ROS1: variants seen among roughly 807,000 people sequenced by gnomAD.
ROS1 encodes the protein ROS proto-oncogene 1, receptor tyrosine kinase.
In ROS1, 263 loss-of-function variants were observed where a neutral mutation model predicts 273.5. That is an observed-to-expected ratio of 0.96 (90% CI 0.87 to 1.06). The LOEUF is 1.06. Among genes scored for constraint, ROS1 ranks in the 50% least tolerant of loss-of-function variants. ROS1 has a pLI of 0.00. For missense variants in ROS1, 2,833 were observed against 2,751.1 expected (o/e 1.03, Z -0.67); for synonymous variants, 1,008 against 954.1 (o/e 1.06, Z -1.04).
At chr6:117,370,048 T>C (rs1780642052) in intron 18 of ROS1, among the ~76,000 whole-genome samples, 1 of 152,184 alleles carries the variant, frequency 6.6e-6, no homozygotes, top group African/African-American at 2.4e-5. Context: ...TATGAATGCA[T>C]ATGGATGTAT....
chr6:117,318,319 G>A (rs992863461), intron 37 of ROS1, 67 bp from the exon 38 acceptor site: 2 of 1,166,024 alleles, frequency 1.7e-6, no homozygotes, highest in Non-Finnish European at 2.6e-6. Context: ...GTGGGTTAAT[G>A]GAGATTGTTC....
rs747637576 is a variant in ROS1, at chr6:117,416,319, T to G, written c.169-2A>C. On this transcript the variant is annotated splice_acceptor_variant, in intron 2 of 43. Coordinates refer to ENST00000368507, the MANE Select transcript of ROS1 (RefSeq NM_001378902.1). LOFTEE classifies it high-confidence loss of function. Reference sequence around the variant, plus strand: ...CCAAAAGTGACATCCTTGGATACACTGCAAGAGACAATAACAGACAATGGT... The same window carrying G: ...CCAAAAGTGACATCCTTGGATACACGGCAAGAGACAATAACAGACAATGGT... 1 of 1,594,852 alleles carries G rather than the reference T, an allele frequency of 6.3e-7. No individual in the cohort carries two copies. The highest frequency in any genetic ancestry group is 8.6e-7 in the Non-Finnish European group (1 of 1,162,602).
In ROS1 at chr6:117,397,117, C is replaced by A. The variant is rs1773553595; in HGVS notation, c.605-1G>T. On this transcript the variant is annotated splice_acceptor_variant, in intron 7 of 43. Coordinates refer to ENST00000368507, the MANE Select transcript of ROS1 (RefSeq NM_001378902.1). LOFTEE classifies it high-confidence loss of function. ...CTAATCAAAGGTGCAGTTTCAGGAA[C>A]TGGAAGAGATAATGGTGACATAATG... 2 of 1,601,426 alleles carry A rather than the reference C, an allele frequency of 1.2e-6. No homozygotes were observed. Among genetic ancestry groups the A allele is most frequent in the Non-Finnish European group, 1.7e-6 (2 of 1,169,408 alleles).
intron 18 of ROS1, among the ~76,000 whole-genome samples, chr6:117,375,749 T>C (rs1449406584): frequency 6.6e-6 from 1 of 152,042 alleles, no homozygotes; most frequent in African/African-American, 2.4e-5. Flanking sequence ...CATAGATGAA[T>C]AGGAGTATTT....
chr6:117,325,878 G>C (rs1007329511), intron 34 of ROS1, among the ~76,000 whole-genome samples: 9 of 151,960 alleles, frequency 5.9e-5, no homozygotes, highest in African/African-American at 2.2e-4. Context: ...TGTAGGAGTG[G>C]TCATAAGGCT....
intron 32 of ROS1, among the ~76,000 whole-genome samples, chr6:117,334,878 C>CGT (rs1777352320): frequency 1.3e-5 from 2 of 152,104 alleles, no homozygotes; most frequent in Admixed American, 1.3e-4. Flanking sequence ...AAACCAAAAC[C>CGT]ATAAAAACCC....
chr6:117,290,724 A>T (rs1690909101), intron 43 of ROS1, among the ~76,000 whole-genome samples: 2 of 152,158 alleles, frequency 1.3e-5, no homozygotes, highest in Non-Finnish European at 2.9e-5. Flanking sequence ...AGATGCCCAG[A>T]TATGTTACTA....
intron 42 of ROS1, among the ~76,000 whole-genome samples, chr6:117,306,692 C>G (rs1239054793): frequency 6.6e-6 from 1 of 152,114 alleles, no homozygotes; most frequent in Non-Finnish European, 1.5e-5. Context: ...CTTTCAAACC[C>G]CTAAGCTGGG....
At chr6:117,328,269 C>G (rs978447995) in intron 33 of ROS1, among the ~76,000 whole-genome samples, 2 of 152,006 alleles carry the variant, frequency 1.3e-5, no homozygotes, top group African/African-American at 4.8e-5. Context: ...CAGTGGAGAC[C>G]TGGAGCAAGG....
chr6:117,418,432 A>G (rs1229722921), intron 2 of ROS1, 30 bp downstream of exon 2: 1 of 1,505,080 alleles, frequency 6.6e-7, no homozygotes, highest in African/African-American at 1.4e-5. Flanking sequence ...AAACATTGTA[A>G]TATTCTTGAC....
At chr6:117,385,897 A>G (rs1235997531) in intron 15 of ROS1, 36 bp from the exon 16 acceptor site, 1 of 1,563,588 alleles carries the variant, frequency 6.4e-7, no homozygotes, top group African/African-American at 1.4e-5. Flanking sequence ...GTTATTTTTC[A>G]TACATACCAA....
rs759315631 is a variant in ROS1 at position 117,362,563 on chromosome 6, G to T, written c.3366+40C>A. 4 of 1,574,328 alleles carry T rather than the reference G, an allele frequency of 2.5e-6. No individual in the cohort carries two copies. The South Asian group carries it at 3.5e-5, about 14-fold the overall frequency. On this transcript the variant is annotated intron_variant, in intron 22 of 43. Coordinates refer to ENST00000368507, the MANE Select transcript of ROS1 (RefSeq NM_001378902.1). ...AGTCTTTCCCTCTCCCCACAATGCC[G>T]CTATTAAGACTCTCATATCTTCTGT... is the stretch of plus-strand genomic sequence containing the variant.
chr6:117,321,170 T>TC, intron 36 of ROS1, 89 bp downstream of exon 36: 1 of 1,415,920 alleles, frequency 7.1e-7, no homozygotes, highest in South Asian at 1.4e-5. Flanking sequence ...ACCATGACTG[T>TC]CTTGGGCAAT....
chr6:117,363,380 C>A (rs548349053), intron 21 of ROS1, among the ~76,000 whole-genome samples: 1 of 152,202 alleles, frequency 6.6e-6, no homozygotes, highest in Non-Finnish European at 1.5e-5. Flanking sequence ...CTGATCGTAC[C>A]CCAAGAGTAA....
chr6:117,303,007 C>T (rs1774849599), intron 42 of ROS1, among the ~76,000 whole-genome samples: 1 of 152,148 alleles, frequency 6.6e-6, no homozygotes. Flanking sequence ...CTATTCACTG[C>T]CTTTTTTAAT....
chr6:117,386,001 A>G (rs1461792216), intron 15 of ROS1, 140 bp from the exon 16 acceptor site: 8 of 680,738 alleles, frequency 1.2e-5, no homozygotes, highest in Admixed American at 2.7e-5. Flanking sequence ...ATCTGTCAAG[A>G]ATATTTAAAT....
At chr6:117,394,529 T>C in intron 10 of ROS1, 87 bp downstream of exon 10, 4 of 1,154,652 alleles carry the variant, frequency 3.5e-6, no homozygotes, top group South Asian at 2.5e-5. Flanking sequence ...GTTCCAGAAA[T>C]ATTCAAAAAT....
At chr6:117,352,048 G>A (rs1163048152) in intron 27 of ROS1, among the ~76,000 whole-genome samples, 5 of 152,018 alleles carry the variant, frequency 3.3e-5, no homozygotes, top group Non-Finnish European at 5.9e-5. Context: ...GGCAAAGACG[G>A]CTTTGACAAA....
intron 32 of ROS1, among the ~76,000 whole-genome samples, chr6:117,335,897 T>C (rs1332758173): frequency 6.6e-6 from 1 of 151,878 alleles, no homozygotes; most frequent in African/African-American, 2.4e-5. Context: ...CAAACCACCA[T>C]GGCACATGTA....
Sources: gnomAD v4.1 joint callset for allele counts (sites outside exome capture counted in the v4.1 genomes callset) on GRCh38, gnomAD v4.1.1 for gene constraint, MANE v1.5 for transcripts, NCBI Gene and HGNC (gene_info 2026-07-23, HGNC 2026-07-21) for gene names.